The following ASTN1 variants were observed in gnomAD, a reference collection of about 807,000 sequenced individuals.
ASTN1 encodes the protein astrotactin-1.
ASTN1 carries 41 observed loss-of-function variants against 140.7 expected under a neutral mutation model. That is an observed-to-expected ratio of 0.29 (90% CI 0.23 to 0.38). ASTN1 has a LOEUF of 0.38. Ranked by LOEUF, ASTN1 falls within the 10% of genes least tolerant of loss-of-function variation. ASTN1 has a pLI of 1.00. For synonymous variants in ASTN1, 640 were observed against 652.2 expected (o/e 0.98, Z 0.29); for missense variants, 1,479 against 1,678.8 (o/e 0.88, Z 2.08).
At chr1:177,051,257 T>C (rs1331576502) in intron 2 of ASTN1, among the ~76,000 whole-genome samples, 4 of 152,230 alleles carry the variant, frequency 2.6e-5, no homozygotes, top group Admixed American at 2.6e-4. Context: ...TCCACTCAGT[T>C]GTTAGGTTGT....
At chr1:176,981,617 A>G (rs1361137736) in intron 8 of ASTN1, 1 of 152,504 alleles carries the variant, frequency 6.6e-6, no homozygotes, top group Admixed American at 6.5e-5. Context: ...GCCTGTAGCA[A>G]TCAGAGCTGG....
chr1:177,152,337 TTTA>T (rs1683074962), intron 1 of ASTN1, among the ~76,000 whole-genome samples: 2 of 152,180 alleles, frequency 1.3e-5, no homozygotes, highest in South Asian at 4.2e-4. Flanking sequence ...ACTGCTGTGG[TTTA>T]CGTGTATAGC....
chr1:177,094,926 A>G (rs1679955872), intron 1 of ASTN1, among the ~76,000 whole-genome samples: 2 of 152,216 alleles, frequency 1.3e-5, no homozygotes, highest in South Asian at 4.1e-4. Context: ...ATAAATACAG[A>G]TGATAAAGGC....
Position 176,861,375 on chromosome 1 carries a change from T to G in ASTN1, c.*2909A>C. ...ATTCAAGAGGAAACTCCAGAGGTCT[T>G]GGGGACATGGGAGCTGGGAGAGTGT... On this transcript the variant is annotated 3_prime_UTR_variant, in exon 23 of 23. Coordinates refer to ENST00000361833, the MANE Select transcript of ASTN1 (RefSeq NM_004319.3). 2 of 985,858 alleles carry G rather than the reference T, an allele frequency of 2.0e-6. No homozygotes were observed. The highest frequency in any genetic ancestry group is 2.4e-6 in the Non-Finnish European group (2 of 829,930). The allele number at this position is 985,858 out of a possible 1,614,324, so 61.1% of individuals were successfully genotyped here.
intron 1 of ASTN1, among the ~76,000 whole-genome samples, chr1:177,132,550 A>G (rs1681990935): frequency 6.6e-6 from 1 of 152,196 alleles, no homozygotes; most frequent in Non-Finnish European, 1.5e-5. Context: ...TTTCTGCATT[A>G]GATAATCATG....
chr1:177,071,513 C>T (rs772965634), intron 1 of ASTN1, among the ~76,000 whole-genome samples: 1 of 152,180 alleles, frequency 6.6e-6, no homozygotes, highest in Non-Finnish European at 1.5e-5. Flanking sequence ...CAAGTACAAC[C>T]TTCCATTCTC....
chr1:177,053,686 T>A (rs1677651878), intron 2 of ASTN1, among the ~76,000 whole-genome samples: 2 of 152,238 alleles, frequency 1.3e-5, no homozygotes, highest in East Asian at 3.8e-4. Flanking sequence ...TTCTAAAAAT[T>A]TCCCGCAAAA....
chr1:177,023,415 T>G lies in ASTN1; in HGVS notation c.1427A>C (p.Asp476Ala), dbSNP rs1571664916. 1.3e-6 allele frequency: 2 copies of G among 1,593,706 alleles called. No individual in the cohort carries two copies. The highest frequency in any genetic ancestry group is 1.1e-5 in the South Asian group (1 of 88,082). The change falls in exon 7 of 23, where the codon GAC becomes GCC. Residue 476 changes from aspartate to alanine, a missense_variant. Coordinates refer to ENST00000361833, the MANE Select transcript of ASTN1 (RefSeq NM_004319.3). ...RLLDPCEHQC[D>A]PETGECLCYE... ...GTGCTCCCGCCTACCAGTTTCGGGG[T>G]CACATTGGTGTTCACAGGGGTCCAG...
intron 16 of ASTN1, among the ~76,000 whole-genome samples, chr1:176,921,447 T>C (rs562753462): frequency 6.6e-6 from 1 of 152,360 alleles, no homozygotes; most frequent in South Asian, 2.1e-4. Flanking sequence ...ACAGGTTGCA[T>C]GTTATACCTA....
At chr1:177,008,167 C>T (rs1370275738) in intron 8 of ASTN1, among the ~76,000 whole-genome samples, 1 of 152,160 alleles carries the variant, frequency 6.6e-6, no homozygotes, top group African/African-American at 2.4e-5. Flanking sequence ...TTCCTGCCTG[C>T]TCACCCAAGG....
intron 22 of ASTN1, among the ~76,000 whole-genome samples, chr1:176,864,789 T>G (rs1048327503): frequency 6.6e-6 from 1 of 152,222 alleles, no homozygotes; most frequent in Non-Finnish European, 1.5e-5. Context: ...AATATTTTAG[T>G]GGAAATGCAT....
At chr1:177,141,989 G>T (rs1171979971) in intron 1 of ASTN1, among the ~76,000 whole-genome samples, 1 of 152,204 alleles carries the variant, frequency 6.6e-6, no homozygotes, top group Non-Finnish European at 1.5e-5. Flanking sequence ...TGCCAAGTTA[G>T]AATGAATAAA....
At chr1:177,016,515 T>C (rs1336285772) in intron 7 of ASTN1, among the ~76,000 whole-genome samples, 2 of 152,012 alleles carry the variant, frequency 1.3e-5, no homozygotes, top group African/African-American at 2.4e-5. Flanking sequence ...TGGTTGACGA[T>C]AAGGTTTGTG....
At chr1:177,091,698 C>G (rs913765400) in intron 1 of ASTN1, among the ~76,000 whole-genome samples, 23 of 152,092 alleles carry the variant, frequency 1.5e-4, no homozygotes, top group Admixed American at 9.2e-4. Flanking sequence ...TTAGCAGTTC[C>G]CATCCCCCAG....
chr1:176,949,589 C>T (rs767038714), intron 11 of ASTN1, among the ~76,000 whole-genome samples: 8 of 152,234 alleles, frequency 5.3e-5, no homozygotes, highest in Non-Finnish European at 1.2e-4. Flanking sequence ...AAGACACTTC[C>T]TCCAAAAAGG....
intron 16 of ASTN1, among the ~76,000 whole-genome samples, chr1:176,923,835 G>C (rs542519420): frequency 6.6e-6 from 1 of 152,308 alleles, no homozygotes; most frequent in Non-Finnish European, 1.5e-5. Context: ...CCCAAAAGAT[G>C]TGAAAACTCC....
intron 16 of ASTN1, among the ~76,000 whole-genome samples, chr1:176,916,546 G>A (rs1177140884): frequency 1.3e-5 from 2 of 152,086 alleles, no homozygotes; most frequent in East Asian, 1.9e-4. Context: ...AGATTTCCAC[G>A]AGTGTGCACT....
intron 14 of ASTN1, among the ~76,000 whole-genome samples, chr1:176,943,410 T>A (rs1268868707): frequency 1.3e-5 from 2 of 152,204 alleles, no homozygotes; most frequent in African/African-American, 4.8e-5. Context: ...TATTGTCTAA[T>A]GGCACACAGC....
chr1:176,895,243 C>T (rs1194069249), intron 16 of ASTN1, among the ~76,000 whole-genome samples: 1 of 152,196 alleles, frequency 6.6e-6, no homozygotes. Flanking sequence ...TTATAAAGCA[C>T]ATAACACAAT....
Sources: gnomAD v4.1 joint callset for allele counts (sites outside exome capture counted in the v4.1 genomes callset) on GRCh38, gnomAD v4.1.1 for gene constraint, MANE v1.5 for transcripts, NCBI Gene and HGNC (gene_info 2026-07-23, HGNC 2026-07-21) for gene names.